The following SGO1 variants were observed in gnomAD, a reference collection of about 807,000 sequenced individuals.
SGO1 encodes the protein shugoshin 1.
SGO1 carries 39 observed loss-of-function variants against 50.5 expected under a neutral mutation model. The observed-to-expected ratio is 0.77, with a 90% CI of 0.60 to 1.01. The LOEUF (loss-of-function observed/expected upper bound fraction) is 1.01. Ranked by LOEUF, SGO1 falls within the 50% of genes least tolerant of loss-of-function variation. The pLI, the probability that SGO1 is intolerant of heterozygous loss-of-function variation, is 0.00. For missense variants in SGO1, 638 were observed against 606.0 expected (o/e 1.05, Z -0.55); for synonymous variants, 191 against 205.1 (o/e 0.93, Z 0.59).
chr3:20,179,286 G>A (rs989568916), intron 3 of SGO1, among the ~76,000 whole-genome samples: 3 of 152,204 alleles, frequency 2.0e-5, no homozygotes, highest in African/African-American at 4.8e-5. Flanking sequence ...AAATCTTTAA[G>A]TGGAGATAGC....
intron 5 of SGO1, 60 bp from the exon 6 acceptor site, chr3:20,175,115 A>G (rs1464621618): frequency 7.4e-6 from 10 of 1,356,228 alleles, no homozygotes; most frequent in South Asian, 6.6e-5. Context: ...TTGAATTTCA[A>G]GAACTTTAGA....
intron 2 of SGO1, 40 bp downstream of exon 2, chr3:20,183,846 C>CTTT (rs1322367265): frequency 6.2e-7 from 1 of 1,606,146 alleles, no homozygotes; most frequent in South Asian, 1.1e-5. Flanking sequence ...TAAATCTAAA[C>CTTT]TTAAAAGTGA....
Position 20,169,691 on chromosome 3 carries a change from A to C in SGO1, c.*1013T>G. Reference sequence around the variant, plus strand: ...AAATAAGGAGCTACCCTGAAAGTACATGACATTTGTAATTTTATGGAGACA... The same window carrying C: ...AAATAAGGAGCTACCCTGAAAGTACCTGACATTTGTAATTTTATGGAGACA... On this transcript the variant is annotated 3_prime_UTR_variant, in exon 8 of 8. Coordinates refer to ENST00000412997, the MANE Select transcript of SGO1 (RefSeq NM_001199251.3). 5 of 920,104 alleles carry C rather than the reference A, an allele frequency of 5.4e-6. No homozygotes were observed. The highest frequency in any genetic ancestry group is 6.5e-6 in the Non-Finnish European group (5 of 770,540). The allele number at this position is 920,104 out of a possible 1,614,324, so 57.0% of individuals were successfully genotyped here.
rs141422513 is a variant in SGO1, at chr3:20,178,547, A to T, written c.340-200T>A. On this transcript the variant is annotated intron_variant, in intron 3 of 7. Transcript: ENST00000412997. Reference sequence around the variant, plus strand: ...TTCTAGTGCAGGGAAGTAAAATTTTAAAAAGAGAAGATATATGTACAAAAT... The same window carrying T: ...TTCTAGTGCAGGGAAGTAAAATTTTTAAAAGAGAAGATATATGTACAAAAT... Among the ~76,000 whole-genome samples, 394 of 152,358 alleles carry T rather than the reference A, an allele frequency of 2.6e-3. 4 individuals are homozygous for T. The highest frequency in any genetic ancestry group is 8.8e-3 in the African/African-American group (365 of 41,592).
chr3:20,162,395 C>T (rs779754505), intron 8 of SGO1, among the ~76,000 whole-genome samples: 8 of 152,222 alleles, frequency 5.3e-5, no homozygotes, highest in Non-Finnish European at 1.2e-4. Context: ...GGTAAACGAG[C>T]ATAGAGTAAA....
rs1004321085 is a variant in SGO1 at position 20,183,660 on chromosome 3, A to G, written c.287T>C (p.Leu96Pro). The G allele has an allele frequency of 3.1e-6, 5 of 1,610,492 alleles. No homozygotes were observed. The highest frequency in any genetic ancestry group is 2.2e-5 in the East Asian group (1 of 44,790). The change falls in exon 3 of 8, where the codon CTA (leucine) becomes CCA (proline). Residue 96 changes from leucine (L) to proline (P), a missense_variant. Physicochemically the swap from Leu to Pro is moderately conservative, Grantham distance 98. Coordinates refer to ENST00000412997, the MANE Select transcript of SGO1 (RefSeq NM_001199251.3). ...RKECYYLTCQ[L>P]YALKGKLTSQ... ...TGTAAGTTTTCCTTTCAATGCATAT[A>G]GCTGACATGTGAGATAGTAACATTC...
At chr3:20,182,024 A>C (rs918101769) in intron 3 of SGO1, among the ~76,000 whole-genome samples, 3 of 152,096 alleles carry the variant, frequency 2.0e-5, no homozygotes, top group Non-Finnish European at 4.4e-5. Context: ...CAGGGGCTCC[A>C]GTGAGCTGAG....
chr3:20,185,167 G>A (rs17006708), intron 1 of SGO1, among the ~76,000 whole-genome samples: 40,063 of 152,022 alleles, frequency 0.26, 5,253 homozygotes, highest in African/African-American at 0.27. Flanking sequence ...GAGGTTCCTA[G>A]CAGAGATAGG....
chr3:20,181,199 G>T (rs1222534432), intron 3 of SGO1, among the ~76,000 whole-genome samples: 1 of 152,072 alleles, frequency 6.6e-6, no homozygotes, highest in Non-Finnish European at 1.5e-5. Context: ...AATTTGACAT[G>T]AATATAGCTA....
In SGO1 at chr3:20,171,923, T is replaced by A. The variant is rs74348911; in HGVS notation, c.1283-691A>T. ...TGGGAGGCAAATGTCCAACACATAG[T>A]AAAGACACTGCAAAACAATCTCCTC... is the stretch of plus-strand genomic sequence containing the variant. On this transcript the variant is annotated intron_variant, in intron 6 of 7. Coordinates refer to ENST00000412997, the MANE Select transcript of SGO1 (RefSeq NM_001199251.3). Among the ~76,000 whole-genome samples, 1,428 of 152,334 alleles carry A rather than the reference T, an allele frequency of 9.4e-3. 19 individuals are homozygous for A. Among genetic ancestry groups the A allele is most frequent in the African/African-American group, 0.032 (1,324 of 41,570 alleles).
intron 7 of SGO1, 28 bp from the exon 8 acceptor site, chr3:20,170,843 A>G (rs1456082257): frequency 1.3e-6 from 2 of 1,580,068 alleles, no homozygotes. Context: ...GATCTCAGGC[A>G]TAATGTAAGC....
chr3:20,169,034 A>G (rs114895159), downstream of SGO1: 838 of 984,578 alleles, frequency 8.5e-4, 7 homozygotes, highest in African/African-American at 0.013. Context: ...AGTAGTAAGA[A>G]AAAAAAAACT....
upstream of SGO1, among the ~76,000 whole-genome samples, chr3:20,186,838 G>T (rs1180115744): frequency 1.3e-5 from 2 of 151,906 alleles, no homozygotes; most frequent in Non-Finnish European, 2.9e-5. Flanking sequence ...CCGTCCAGTC[G>T]GTCACACGAT....
downstream of SGO1, among the ~76,000 whole-genome samples, chr3:20,165,585 A>G (rs1023017869): frequency 6.6e-6 from 1 of 152,214 alleles, no homozygotes; most frequent in Non-Finnish European, 1.5e-5. Flanking sequence ...ATGAAAACAT[A>G]GAAAGATAAG....
Position 20,170,092 on chromosome 3 carries a change from T to G in SGO1, c.*612A>C. On this transcript the variant is annotated 3_prime_UTR_variant, in exon 8 of 8. Transcript: ENST00000412997. ...TCTTATTTGAGTAATCATTATTCAT[T>G]TCTACAATGTTTGTATAAGATACAT... is the stretch of plus-strand genomic sequence containing the variant. 1.0e-6 allele frequency: 1 copy of G among 985,304 alleles called. No homozygotes were observed. Among genetic ancestry groups the G allele is most frequent in the Non-Finnish European group, 1.2e-6 (1 of 829,802 alleles). The allele number at this position is 985,304 out of a possible 1,614,324, so 61.0% of individuals were successfully genotyped here.
downstream of SGO1, among the ~76,000 whole-genome samples, chr3:20,168,644 G>GTTT (rs1313336484): frequency 2.3e-5 from 3 of 129,456 alleles, no homozygotes; most frequent in African/African-American, 2.8e-5. Context: ...CTGAGAAACT[G>GTTT]TTTTTTTTTT....
Position 20,171,110 on chromosome 3 carries a change from G to A in SGO1, c.1405C>T (p.Pro469Ser). The A allele has an allele frequency of 1.1e-5, 17 of 1,613,056 alleles. No individual in the cohort carries two copies. Among genetic ancestry groups the A allele is most frequent in the Non-Finnish European group, 1.4e-5 (17 of 1,179,680 alleles). Residue 469 changes from proline to serine, a missense_variant, in exon 7 of 8, where the codon CCA (proline) becomes TCA (serine). Physicochemically the swap from Pro to Ser is moderately conservative, Grantham distance 74 (BLOSUM62 -1). Coordinates refer to ENST00000412997, the MANE Select transcript of SGO1 (RefSeq NM_001199251.3). ...SLSPKKNKAS[P>S]AVALPKRRCT... Reference sequence around the variant, plus strand: ...CTACGTTTAGGCAGAGCCACTGCTGGGCTTGCTTTATTCTTTTTTGGAGAA... The same window carrying A: ...CTACGTTTAGGCAGAGCCACTGCTGAGCTTGCTTTATTCTTTTTTGGAGAA...
chr3:20,176,572 T>C (rs1304362243), intron 5 of SGO1, 29 bp downstream of exon 5: 4 of 1,397,080 alleles, frequency 2.9e-6, no homozygotes, highest in Non-Finnish European at 4.0e-6. Flanking sequence ...TTGCCCTTAA[T>C]AATATTTTTA....
In SGO1 at chr3:20,170,768, G is replaced by T; in HGVS notation, c.1520C>A (p.Ser507Tyr). 1 of 1,594,442 alleles carries T rather than the reference G, an allele frequency of 6.3e-7. No homozygotes were observed. The highest frequency in any genetic ancestry group is 8.5e-7 in the Non-Finnish European group (1 of 1,175,392). The change falls in exon 8 of 8, where the codon TCT (serine) becomes TAT (tyrosine). Residue 507 changes from serine (S) to tyrosine (Y), a missense_variant. Coordinates refer to ENST00000412997, the MANE Select transcript of SGO1 (RefSeq NM_001199251.3). ...DPFTDLCFLN[S>Y]PIFKQKKDLR... ...ATCCTTTTTCTGCTTGAAAATAGGA[G>T]AATTCAAAAAACACAAATCTGTAAA...
Sources: allele counts gnomAD v4.1 joint callset (sites outside exome capture counted in the v4.1 genomes callset), GRCh38; gene constraint gnomAD v4.1.1; transcripts MANE v1.5; gene names NCBI Gene and HGNC (gene_info 2026-07-23, HGNC 2026-07-21).